Variants in PCDHGB1 observed in about 807,000 individuals in gnomAD.
PCDHGB1 encodes protocadherin gamma subfamily B, 1.
Under a neutral mutation model 56.6 loss-of-function variants are expected in PCDHGB1, and 34 were observed. That is an observed-to-expected ratio of 0.60 (90% CI 0.46 to 0.80). The LOEUF (loss-of-function observed/expected upper bound fraction) is 0.80, where lower values mean the gene tolerates loss of function less well. Ranked by LOEUF, PCDHGB1 falls within the 30% of genes least tolerant of loss-of-function variation. The probability of loss-of-function intolerance (pLI) is 0.00; values close to 1 mark genes in which losing one functional copy is unlikely to be tolerated. For missense variants in PCDHGB1, 1,278 were observed against 1,204.6 expected (o/e 1.06, Z -0.90); for synonymous variants, 561 against 505.9 (o/e 1.11, Z -1.46).
intron 1 of PCDHGB1, chr5:141,418,737 C>G (rs768683069): frequency 6.2e-7 from 1 of 1,613,842 alleles, no homozygotes; most frequent in African/African-American, 1.3e-5. Context: ...CACGTGTTCT[C>G]TCTGGATTAC....
chr5:141,496,737 C>T (rs900394639), intron 2 of PCDHGB1, among the ~76,000 whole-genome samples: 9 of 152,168 alleles, frequency 5.9e-5, no homozygotes, highest in African/African-American at 2.2e-4. Context: ...TTCATTCGTT[C>T]ATTTATTCAA....
chr5:141,400,299 A>C, intron 1 of PCDHGB1: 1 of 1,613,834 alleles, frequency 6.2e-7, no homozygotes, highest in South Asian at 1.1e-5. Context: ...GCTGCTTCCA[A>C]CCTGGTCTCT....
At chr5:141,407,932 C>T (rs1465007397) in intron 1 of PCDHGB1, 7 of 504,268 alleles carry the variant, frequency 1.4e-5, no homozygotes, top group Non-Finnish European at 2.0e-5. Context: ...CACGGAGCCT[C>T]TGGGCGCCGC....
In PCDHGB1 at chr5:141,366,063, C is replaced by A. The variant is rs775871309; in HGVS notation, c.2409+13394C>A. ...GACGGTTCCACGGGCGTGGAGCTGG[C>A]GCCTCGCTCCGCAGAACCTGGCTAC... is the stretch of plus-strand genomic sequence containing the variant. On this transcript the variant is annotated intron_variant, in intron 1 of 3. Coordinates refer to ENST00000523390, the MANE Select transcript of PCDHGB1 (RefSeq NM_018922.3). 90 of 1,614,128 alleles carry A rather than the reference C, an allele frequency of 5.6e-5. No homozygotes were observed. The highest frequency in any genetic ancestry group is 7.3e-5 in the Non-Finnish European group (86 of 1,180,056).
At position 141,352,628 on chromosome 5, in the gene PCDHGB1, G is replaced by A. The variant is rs1243952767; in HGVS notation, c.2368G>A (p.Glu790Lys). The A allele has an allele frequency of 2.5e-6, 4 of 1,611,516 alleles. No homozygotes were observed. The highest frequency in any genetic ancestry group is 2.2e-5 in the East Asian group (1 of 44,874). ...DPSMVVCASNEDHKIAYDPSL... is the reference protein window; with the variant it reads ...DPSMVVCASNKDHKIAYDPSL... ...TTCTATGGTTGTATGTGCCAGTAAT[G>A]AAGATCACAAAATCGCTTATGACCC... Residue 790 changes from glutamate (E) to lysine (K), a missense_variant, in exon 1 of 4, where the codon GAA (glutamate) becomes AAA (lysine). Transcript: ENST00000523390.
intron 1 of PCDHGB1, among the ~76,000 whole-genome samples, chr5:141,368,478 A>G (rs1328792459): frequency 2.0e-5 from 3 of 152,318 alleles, no homozygotes; most frequent in Middle Eastern, 3.4e-3. Flanking sequence ...CCAAAGAGTA[A>G]CAAGAGAATC....
intron 3 of PCDHGB1, among the ~76,000 whole-genome samples, chr5:141,506,943 T>A (rs2099857373): frequency 6.6e-6 from 1 of 152,192 alleles, no homozygotes; most frequent in South Asian, 2.1e-4. Context: ...GGGCCTCCTG[T>A]CAATGAATCC....
At chr5:141,418,572 A>G (rs777784393) in intron 1 of PCDHGB1, 5 of 1,613,794 alleles carry the variant, frequency 3.1e-6, no homozygotes, top group Non-Finnish European at 4.2e-6. Flanking sequence ...GCCAATGACA[A>G]CCCCCCAGTG....
At position 141,376,211 on chromosome 5, in the gene PCDHGB1, G is replaced by T; in HGVS notation, c.2409+23542G>T. The T allele has an allele frequency of 6.2e-7, 1 of 1,614,180 alleles. No homozygotes were observed. Among genetic ancestry groups the T allele is most frequent in the South Asian group, 1.1e-5 (1 of 91,070 alleles). ...CTGCGTCTTCCTGGCCTTCGTCATC[G>T]TGCTGCTGGCGCTCAGACTGCAGCG... On this transcript the variant is annotated intron_variant, in intron 1 of 3. Transcript: ENST00000523390.
intron 1 of PCDHGB1, chr5:141,377,893 TC>T (rs1774447878): frequency 6.6e-6 from 1 of 152,178 alleles, no homozygotes; most frequent in Admixed American, 6.5e-5. Flanking sequence ...AGGATCCCCC[TC>T]TGTTGCCCAG....
Position 141,412,258 on chromosome 5 carries a change from C to T in PCDHGB1, c.2409+59589C>T, listed in dbSNP as rs569698099. 5.8e-4 allele frequency: 88 copies of T among 152,314 alleles called. 1 individual carries two copies. The highest frequency in any genetic ancestry group is 2.0e-3 in the African/African-American group (83 of 41,568). 9.4% of individuals were successfully genotyped at this position (152,314 alleles called of 1,614,324 possible). On this transcript the variant is annotated intron_variant, in intron 1 of 3. Transcript: ENST00000523390. Reference sequence around the variant, plus strand: ...ATATCACTACATCTAACTTTGTTTTCTAAAACTTTTAGTACTTCAAATTCT... The same window carrying T: ...ATATCACTACATCTAACTTTGTTTTTTAAAACTTTTAGTACTTCAAATTCT...
intron 1 of PCDHGB1, among the ~76,000 whole-genome samples, chr5:141,452,761 G>A (rs1291983570): frequency 6.6e-6 from 1 of 152,036 alleles, no homozygotes; most frequent in East Asian, 1.9e-4. Flanking sequence ...AGGAAGGGAG[G>A]GAGGGAAAAC....
rs752629029 is a variant in PCDHGB1 at position 141,355,350 on chromosome 5, G to T, written c.2409+2681G>T. 6 of 1,614,046 alleles carry T rather than the reference G, an allele frequency of 3.7e-6. No homozygotes were observed. The East Asian group carries it at 1.3e-4, about 36-fold the overall frequency. ...GCTCAGTGGTGGGCAACATCGCCAA[G>T]GACCTGGGGTTGGCGCCCCGGGAGC... On this transcript the variant is annotated intron_variant, in intron 1 of 3. Coordinates refer to ENST00000523390, the MANE Select transcript of PCDHGB1 (RefSeq NM_018922.3).
chr5:141,397,893 G>T (rs1442552386), intron 1 of PCDHGB1: 4 of 650,466 alleles, frequency 6.1e-6, no homozygotes, highest in African/African-American at 5.5e-5. Flanking sequence ...GTTGGCCAAA[G>T]TGCAGAGCTT....
intron 1 of PCDHGB1, chr5:141,372,617 C>A: frequency 6.2e-7 from 1 of 1,614,010 alleles, no homozygotes; most frequent in South Asian, 1.1e-5. Flanking sequence ...GAGTTCTCCC[C>A]ACCTACAGCG....
At chr5:141,368,370 TA>T (rs1332977748) in intron 1 of PCDHGB1, among the ~76,000 whole-genome samples, 7 of 152,116 alleles carry the variant, frequency 4.6e-5, no homozygotes, top group African/African-American at 7.2e-5. Flanking sequence ...TACACACATA[TA>T]TATACACACA....
chr5:141,412,992 G>A (rs1367027301), intron 1 of PCDHGB1: 1 of 568,350 alleles, frequency 1.8e-6, no homozygotes, highest in Non-Finnish European at 3.0e-6. Flanking sequence ...AGCTCAATCC[G>A]GATTCTCAGG....
At chr5:141,419,239 C>A in intron 1 of PCDHGB1, 3 of 1,614,008 alleles carry the variant, frequency 1.9e-6, no homozygotes, top group Non-Finnish European at 2.5e-6. Flanking sequence ...ACCTGGTCCA[C>A]GTGCCAGAAA....
chr5:141,508,139 G>C (rs1243018384), intron 3 of PCDHGB1: 1 of 152,514 alleles, frequency 6.6e-6, no homozygotes, highest in African/African-American at 2.4e-5. Flanking sequence ...CAGGGAGCTG[G>C]GGGCTGAGTT....
Sources: gnomAD v4.1 joint callset for allele counts (sites outside exome capture counted in the v4.1 genomes callset) on GRCh38, gnomAD v4.1.1 for gene constraint, MANE v1.5 for transcripts, NCBI Gene and HGNC (gene_info 2026-07-23, HGNC 2026-07-21) for gene names.